Variants in TBX22 observed in about 807,000 individuals in gnomAD.
TBX22 encodes the protein T-box transcription factor TBX22.
Under a neutral mutation model 30.1 loss-of-function variants are expected in TBX22, and 8 were observed. The ratio of observed to expected loss-of-function variants is 0.27; its 90% confidence interval spans 0.16 to 0.48. The LOEUF is 0.48. Ranked by LOEUF, TBX22 falls within the 20% of genes least tolerant of loss-of-function variation. The probability of loss-of-function intolerance (pLI) is 0.99; values close to 1 mark genes in which losing one functional copy is unlikely to be tolerated. For synonymous variants in TBX22, 173 were observed against 149.1 expected (o/e 1.16, Z -1.17); for missense variants, 463 against 400.5 (o/e 1.16, Z -1.33).
At chrX:80,017,301 T>C (rs1366172447) in intron 1 of TBX22, among the ~76,000 whole-genome samples, 2 of 108,397 alleles carry the variant, frequency 1.8e-5, no homozygotes, top group Non-Finnish European at 3.8e-5. Context: ...TGTGTGTGTG[T>C]GTGTGTGTGT....
At chrX:80,019,616 T>C (rs759056258) in intron 1 of TBX22, among the ~76,000 whole-genome samples, 1 of 111,508 alleles carries the variant, frequency 9.0e-6, no homozygotes, top group South Asian at 3.8e-4. Flanking sequence ...AATGAATTGC[T>C]GGCATTAGTA....
chrX:80,029,420 C>A lies in TBX22; in HGVS notation c.950-1078C>A, dbSNP rs1333750042. Among the ~76,000 whole-genome samples, 3 of 112,016 alleles carry A rather than the reference C, an allele frequency of 2.7e-5. No individual in the cohort carries two copies. In the East Asian group the frequency reaches 8.4e-4, roughly 31 times the overall value. On this transcript the variant is annotated intron_variant, in intron 8 of 8. Transcript: ENST00000373296. ...TAGGCAAACATAAAAAATCAGCAAA[C>A]GTCATTGATATGAACACTTACATTC...
At position 80,031,536 on chromosome X, in the gene TBX22, C is replaced by A. The variant is rs1163890679; in HGVS notation, c.*425C>A. On this transcript the variant is annotated 3_prime_UTR_variant, in exon 9 of 9. Transcript: ENST00000373296. ...TTTCAGTTTTAAAAATGAAGATCGG[C>A]TTTCATGTAATTATCTAGTAGTTGT... 1 of 128,783 alleles carries A rather than the reference C, an allele frequency of 7.8e-6. No individual in the cohort carries two copies. The highest frequency in any genetic ancestry group is 1.6e-5 in the Non-Finnish European group (1 of 63,799). The allele number at this position is 128,783 out of a possible 1,213,427, so 10.6% of individuals were successfully genotyped here. A position where few individuals can be genotyped will look rare whatever the true frequency, so the allele number is the denominator to read the frequency against.
At position 80,022,315 on chromosome X, in the gene TBX22, G is replaced by C. The variant is rs1602408244; in HGVS notation, c.46G>C (p.Val16Leu). Residue 16 changes from valine to leucine, a missense_variant, in exon 2 of 9, where the codon GTG becomes CTG. Physicochemically the swap from Val to Leu is conservative, Grantham distance 32 (BLOSUM62 1). Coordinates refer to ENST00000373296, the MANE Select transcript of TBX22 (RefSeq NM_001109878.2). ...GCGTGCCTTCTCCGTGGAAGCCTTGGTGGGGAGACCCAGCAAAAGAAAACT... is the reference window on the plus strand; with the variant it reads ...GCGTGCCTTCTCCGTGGAAGCCTTGCTGGGGAGACCCAGCAAAAGAAAACT... ...RARAFSVEAL[V>L]GRPSKRKLQD... The C allele has an allele frequency of 3.3e-6, 4 of 1,211,513 alleles. No individual in the cohort carries two copies. The highest frequency in any genetic ancestry group is 4.5e-6 in the Non-Finnish European group (4 of 895,443).
intron 8 of TBX22, among the ~76,000 whole-genome samples, chrX:80,029,611 CA>C (rs1924150305): frequency 8.9e-6 from 1 of 111,770 alleles, no homozygotes; most frequent in South Asian, 3.7e-4. Context: ...TTTTTTAAAT[CA>C]GTGGTCAGAG....
At chrX:80,017,019 A>AAAG (rs1923472633) in intron 1 of TBX22, among the ~76,000 whole-genome samples, 1 of 108,072 alleles carries the variant, frequency 9.3e-6, no homozygotes, top group African/African-American at 3.4e-5. Flanking sequence ...AAAAAAAAAA[A>AAAG]AAAAAAGCAT....
intron 6 of TBX22, 147 bp from the exon 7 acceptor site, chrX:80,027,109 T>C: frequency 6.1e-6 from 3 of 493,696 alleles, no homozygotes; most frequent in Non-Finnish European, 1.1e-5. Context: ...ATTCTAAATA[T>C]GACTTGCAAT....
At chrX:80,019,115 G>A (rs1385628600) in intron 1 of TBX22, among the ~76,000 whole-genome samples, 1 of 111,972 alleles carries the variant, frequency 8.9e-6, no homozygotes, top group Non-Finnish European at 1.9e-5. Context: ...TTGTCTACAA[G>A]TAATGGAAAC....
In TBX22 at chrX:80,026,844, A is replaced by C. The variant is rs763778100; in HGVS notation, c.774A>C (p.Thr258=). Residue 258 remains threonine (T), a synonymous_variant, in exon 6 of 9, where the codon ACA becomes ACC. Coordinates refer to ENST00000373296, the MANE Select transcript of TBX22 (RefSeq NM_001109878.2). The stretch of plus-strand genomic sequence containing the variant: ...CCTTTAAAGAAACTGAGTTCACCAC[A>C]GTAACGGCTTACCAAAACCAACAGG... ...TFSFKETEFT[T]VTAYQNQQIT... is the part of the protein sequence containing the mutation. 1.7e-6 allele frequency: 2 copies of C among 1,212,101 alleles called. No individual in the cohort carries two copies. The highest frequency in any genetic ancestry group is 4.3e-5 in the Admixed American group (2 of 46,076).
chrX:80,026,201 G>A (rs1278762539), intron 5 of TBX22, among the ~76,000 whole-genome samples: 2 of 111,431 alleles, frequency 1.8e-5, no homozygotes, highest in Non-Finnish European at 3.8e-5. Flanking sequence ...ATCTCAGACT[G>A]CATCCTGGAA....
At chrX:80,022,469 C>G (rs1039891745) in intron 2 of TBX22, 25 bp downstream of exon 2, 1 of 1,161,510 alleles carries the variant, frequency 8.6e-7, no homozygotes, top group Non-Finnish European at 1.2e-6. Flanking sequence ...TGCCCTGAGC[C>G]CGTTGCCTGA....
intron 7 of TBX22, 143 bp from the exon 8 acceptor site, chrX:80,027,848 G>C (rs1217648451): frequency 1.9e-6 from 1 of 513,064 alleles, no homozygotes; most frequent in Non-Finnish European, 3.3e-6. Context: ...TTCTAGGTTT[G>C]ACTGAATTTT....
At chrX:80,015,383 C>T (rs1923385734) in intron 1 of TBX22, among the ~76,000 whole-genome samples, 1 of 111,912 alleles carries the variant, frequency 8.9e-6, no homozygotes, top group Non-Finnish European at 1.9e-5. Flanking sequence ...GTGGCCCTAG[C>T]CAAGGGCTCT....
At chrX:80,024,222 T>A in intron 4 of TBX22, 58 bp downstream of exon 4, 1 of 1,058,841 alleles carries the variant, frequency 9.4e-7, no homozygotes, top group Non-Finnish European at 1.3e-6. Context: ...GATTTGGACC[T>A]TCAGACCTGA....
At chrX:80,021,079 G>T (rs1428256984) in intron 1 of TBX22, among the ~76,000 whole-genome samples, 2 of 110,689 alleles carry the variant, frequency 1.8e-5, no homozygotes, top group African/African-American at 3.3e-5. Context: ...GAAAAAAAAA[G>T]AAACTTGTAT....
Position 80,025,590 on chromosome X carries a change from T to C in TBX22, c.459-13T>C. ...GCCTGCTGCACCTAATGCCACAGCA[T>C]GTGTTTTTTCAGGTACGTCTATCAC... On this transcript the variant is annotated splice_polypyrimidine_tract_variant and intron_variant, in intron 4 of 8. Coordinates refer to ENST00000373296, the MANE Select transcript of TBX22 (RefSeq NM_001109878.2). 1 of 1,202,056 alleles carries C rather than the reference T, an allele frequency of 8.3e-7. No homozygotes were observed. Among genetic ancestry groups the C allele is most frequent in the Non-Finnish European group, 1.1e-6 (1 of 886,760 alleles).
intron 4 of TBX22, among the ~76,000 whole-genome samples, chrX:80,024,539 C>T (rs1282026176): frequency 1.8e-5 from 2 of 110,816 alleles, no homozygotes; most frequent in African/African-American, 3.3e-5. Flanking sequence ...GGGAGAAATC[C>T]CCAGGCTCTA....
At chrX:80,025,935 G>C (rs1923953785) in intron 5 of TBX22, among the ~76,000 whole-genome samples, 158 bp downstream of exon 5, 2 of 111,239 alleles carry the variant, frequency 1.8e-5, no homozygotes, top group Admixed American at 1.9e-4. Flanking sequence ...GCTAACCTAG[G>C]GCTCCTGAAA....
rs187191838 is a variant in TBX22, at chrX:80,019,503, C to T, written c.-2-2765C>T. On this transcript the variant is annotated intron_variant, in intron 1 of 8. Transcript: ENST00000373296. ...CATCTGTGGGTCTCAGAAACCTCCA[C>T]ATGTTTCGCTGCCCCTCCATTGTTG... Among the ~76,000 whole-genome samples, 814 of 111,772 alleles carry T rather than the reference C, an allele frequency of 7.3e-3. 27 individuals are homozygous for T. Among genetic ancestry groups the T allele is most frequent in the Admixed American group, 0.065 (683 of 10,475 alleles).
Sources: gnomAD v4.1 joint callset for allele counts (sites outside exome capture counted in the v4.1 genomes callset) on GRCh38, gnomAD v4.1.1 for gene constraint, MANE v1.5 for transcripts, NCBI Gene and HGNC (gene_info 2026-07-23, HGNC 2026-07-21) for gene names.